CENPW: variants seen among roughly 807,000 people sequenced by gnomAD.
CENPW encodes the protein centromere protein W, also known as cancer-up-regulated gene 2 protein.
In CENPW, 3 loss-of-function variants were observed where a neutral mutation model predicts 11.1. The ratio of observed to expected loss-of-function variants is 0.27; its 90% CI spans 0.12 to 0.70. The LOEUF (loss-of-function observed/expected upper bound fraction) is 0.70. CENPW is among the 30% of genes least tolerant of loss of function. The pLI is 0.77. For missense variants in CENPW, 100 were observed against 105.6 expected, an observed-to-expected ratio of 0.95 and a Z score of 0.23; for synonymous variants, 38 against 42.0, an observed-to-expected ratio of 0.91 and a Z score of 0.37.
the CENPW span, among the ~76,000 whole-genome samples, chr6:126,472,120 T>A: frequency 1.3e-5 from 2 of 152,194 alleles, no homozygotes; most frequent in Non-Finnish European, 2.9e-5. Context: ...TATTTAACCT[T>A]CCTTTTTCCC....
chr6:126,481,151 T>C, the CENPW span, among the ~76,000 whole-genome samples: 1 of 152,098 alleles, frequency 6.6e-6, no homozygotes, highest in Non-Finnish European at 1.5e-5. Context: ...TCTCCTCTTG[T>C]CGTCTCTTCA....
the CENPW span, among the ~76,000 whole-genome samples, chr6:126,400,482 CTTG>C: frequency 5.3e-5 from 8 of 151,816 alleles, no homozygotes; most frequent in South Asian, 8.3e-4. Flanking sequence ...ATCTGTGTTT[CTTG>C]TTGTTGTTGT....
chr6:126,394,512 ATTAT>A, the CENPW span, among the ~76,000 whole-genome samples: 3 of 152,038 alleles, frequency 2.0e-5, no homozygotes, highest in Non-Finnish European at 4.4e-5. Flanking sequence ...CGTTGTAGTT[ATTAT>A]TTTTGATCAT....
chr6:126,388,373 C>A, the CENPW span, among the ~76,000 whole-genome samples: 4 of 152,038 alleles, frequency 2.6e-5, no homozygotes, highest in Middle Eastern at 3.4e-3. Flanking sequence ...ACAGATAGCA[C>A]CGGCCTGAGT....
At chr6:126,349,105 A>T (rs1230910753), downstream of CENPW, among the ~76,000 whole-genome samples, 2 of 152,036 alleles carry the variant, frequency 1.3e-5, no homozygotes, top group African/African-American at 4.8e-5. Context: ...TTAATAGATA[A>T]TTTTTCCCCC....
At chr6:126,389,549 A>G in the CENPW span, among the ~76,000 whole-genome samples, 1 of 150,784 alleles carries the variant, frequency 6.6e-6, no homozygotes, top group Non-Finnish European at 1.5e-5. Context: ...CAATCAAGCT[A>G]CACACACACA....
the CENPW span, among the ~76,000 whole-genome samples, chr6:126,377,146 T>TG: frequency 4.6e-5 from 7 of 152,280 alleles, no homozygotes; most frequent in Non-Finnish European, 8.8e-5. Flanking sequence ...GAGAGTCCTT[T>TG]GACCCAGATC....
chr6:126,454,195 C>T, the CENPW span, among the ~76,000 whole-genome samples: 1 of 150,922 alleles, frequency 6.6e-6, no homozygotes, highest in Admixed American at 6.6e-5. Flanking sequence ...TATTTGGGAC[C>T]AGAGCTTGAA....
chr6:126,440,185 G>A, the CENPW span, among the ~76,000 whole-genome samples: 4 of 151,524 alleles, frequency 2.6e-5, no homozygotes, highest in African/African-American at 9.7e-5. Context: ...TTAAAGAAGG[G>A]GATTCATTCA....
At chr6:126,359,675 CCTGT>C in the CENPW span, among the ~76,000 whole-genome samples, 1 of 151,644 alleles carries the variant, frequency 6.6e-6, no homozygotes, top group African/African-American at 2.4e-5. Context: ...TTACATAATG[CCTGT>C]CTTTGTCCTT....
chr6:126,369,106 A>C, the CENPW span, among the ~76,000 whole-genome samples: 1 of 118,066 alleles, frequency 8.5e-6, no homozygotes, highest in Non-Finnish European at 1.8e-5. Flanking sequence ...GTTGCTGCAA[A>C]TGCCATTTTT....
the CENPW span, among the ~76,000 whole-genome samples, chr6:126,476,082 C>T: frequency 6.6e-6 from 1 of 151,178 alleles, no homozygotes; most frequent in South Asian, 2.1e-4. Context: ...TTCTAGTTTT[C>T]CTATAGAAAA....
chr6:126,359,581 G>T, the CENPW span, among the ~76,000 whole-genome samples: 1 of 151,970 alleles, frequency 6.6e-6, no homozygotes, highest in Non-Finnish European at 1.5e-5. Context: ...TCAAGAACTT[G>T]TTTTTTGAAT....
chr6:126,433,729 C>A, the CENPW span, among the ~76,000 whole-genome samples: 1 of 152,012 alleles, frequency 6.6e-6, no homozygotes, highest in Admixed American at 6.6e-5. Context: ...AGCCAAACCT[C>A]TTTTTGGGAA....
At chr6:126,342,988 G>A (rs1780342104) in intron 1 of CENPW, among the ~76,000 whole-genome samples, 1 of 152,146 alleles carries the variant, frequency 6.6e-6, no homozygotes, top group African/African-American at 2.4e-5. Flanking sequence ...TAGGGAGAGA[G>A]TTAACATCTG....
At chr6:126,416,679 G>T in the CENPW span, among the ~76,000 whole-genome samples, 1 of 152,328 alleles carries the variant, frequency 6.6e-6, no homozygotes, top group Non-Finnish European at 1.5e-5. Context: ...TGGCTTCAGA[G>T]GGTGCAAGCC....
chr6:126,345,414 TTAC>T (rs893953329), intron 1 of CENPW, among the ~76,000 whole-genome samples: 76 of 152,156 alleles, frequency 5.0e-4, no homozygotes, highest in African/African-American at 1.7e-3. Flanking sequence ...TTTTGATAGT[TTAC>T]TACCCTTTTG....
chr6:126,415,474 G>A, the CENPW span, among the ~76,000 whole-genome samples: 5 of 152,090 alleles, frequency 3.3e-5, no homozygotes, highest in African/African-American at 1.2e-4. Context: ...TTTTAGAGGA[G>A]AAGATTGAGA....
chr6:126,456,002 A>T, the CENPW span, among the ~76,000 whole-genome samples: 1 of 151,014 alleles, frequency 6.6e-6, no homozygotes, highest in Non-Finnish European at 1.5e-5. Context: ...ATATCTAACG[A>T]GGGGGGGCAA....
Sources: gnomAD v4.1 joint callset for allele counts (sites outside exome capture counted in the v4.1 genomes callset) on GRCh38, gnomAD v4.1.1 for gene constraint, MANE v1.5 for transcripts, NCBI Gene and HGNC (gene_info 2026-07-23, HGNC 2026-07-21) for gene names.